The following PGAP4 variants were observed in gnomAD, a reference collection of about 807,000 sequenced individuals.
PGAP4 encodes the protein post-GPI attachment to proteins GalNAc transferase 4.
PGAP4 carries 12 observed loss-of-function variants against 28.2 expected under a neutral mutation model. That is an observed-to-expected ratio of 0.42 (90% CI 0.27 to 0.69). The LOEUF is 0.69. PGAP4 is among the 30% of genes least tolerant of loss of function. The pLI is 0.22. For missense variants in PGAP4, 425 were observed against 513.5 expected (o/e 0.83, Z 1.67); for synonymous variants, 205 against 211.8 (o/e 0.97, Z 0.28).
intron 2 of PGAP4, among the ~76,000 whole-genome samples, chr9:101,510,144 T>G (rs1826883310): frequency 1.3e-5 from 2 of 152,186 alleles, no homozygotes; most frequent in South Asian, 4.1e-4. Context: ...CCTCTGCTAT[T>G]TCATCAATTC....
chr9:101,521,666 GTTTCA>G (rs543976962), intron 2 of PGAP4, among the ~76,000 whole-genome samples: 2,328 of 151,982 alleles, frequency 0.015, 58 homozygotes, highest in Admixed American at 0.063. Context: ...CTAGCTTTTT[GTTTCA>G]TTTATCTTTT....
At chr9:101,481,290 T>C (rs1826482003) in intron 1 of PGAP4, 1 of 152,248 alleles carries the variant, frequency 6.6e-6, no homozygotes, top group Admixed American at 6.5e-5. Context: ...GGAGTTTTTT[T>C]ACTCCCAGCC....
upstream of PGAP4, among the ~76,000 whole-genome samples, chr9:101,490,007 C>G (rs540758472): frequency 5.9e-5 from 9 of 152,122 alleles, no homozygotes; most frequent in African/African-American, 2.2e-4. Flanking sequence ...CGAAACATAA[C>G]TGTTAGAATC....
chr9:101,521,705 A>G (rs948800682), intron 2 of PGAP4, among the ~76,000 whole-genome samples: 3 of 151,758 alleles, frequency 2.0e-5, no homozygotes, highest in Non-Finnish European at 4.4e-5. Flanking sequence ...GTTTGTTTCA[A>G]TTTCATTTAG....
At chr9:101,527,473 A>G (rs1827045617) in intron 2 of PGAP4, among the ~76,000 whole-genome samples, 2 of 152,186 alleles carry the variant, frequency 1.3e-5, no homozygotes, top group African/African-American at 4.8e-5. Flanking sequence ...ATTTATATCA[A>G]TTCTCCCTTA....
chr9:101,513,300 C>T (rs915426452), intron 2 of PGAP4, among the ~76,000 whole-genome samples: 1 of 152,154 alleles, frequency 6.6e-6, no homozygotes, highest in Non-Finnish European at 1.5e-5. Flanking sequence ...GCCCTCTAAC[C>T]ATCACCTAAT....
chr9:101,509,556 C>G (rs1336345859), intron 2 of PGAP4, among the ~76,000 whole-genome samples: 1 of 152,164 alleles, frequency 6.6e-6, no homozygotes, highest in Non-Finnish European at 1.5e-5. Context: ...AAAGCTATCT[C>G]ACTTCTGTAT....
chr9:101,511,454 T>C (rs541958402), intron 2 of PGAP4, among the ~76,000 whole-genome samples: 2 of 152,308 alleles, frequency 1.3e-5, no homozygotes, highest in East Asian at 3.9e-4. Context: ...TACTGTTGGC[T>C]ATGGACAACA....
At chr9:101,487,804 C>A (rs188509275), upstream of PGAP4, among the ~76,000 whole-genome samples, 2 of 152,196 alleles carry the variant, frequency 1.3e-5, no homozygotes, top group Admixed American at 6.5e-5. Flanking sequence ...TTCAGGGCTA[C>A]GAAAATTATA....
exon 1 of PGAP4, chr9:101,533,106 AT>A (rs1164812128): frequency 6.6e-6 from 1 of 152,118 alleles, no homozygotes; most frequent in African/African-American, 2.4e-5. Flanking sequence ...AAAAAAAAAA[AT>A]CAATGCTTAA....
In PGAP4 at chr9:101,476,391, C is replaced by T. The variant is rs1007876206; in HGVS notation, c.702G>A (p.Glu234=). Residue 234 remains glutamate, a synonymous_variant, in exon 2 of 2, where the codon GAG becomes GAA. Coordinates refer to ENST00000374848, the MANE Select transcript of PGAP4 (RefSeq NM_032342.3). This position sits in a 1 kb window ranked among gnomAD's most constrained non-coding sequence, Gnocchi z 7.0. ...LEHLLRARFS[E]PHLRDALYLK... Reference sequence around the variant, plus strand: ...GATAAAGGGCATCTCTGAGATGTGGCTCAGAGAAGCGAGCCCGCAGAAGGT... The same window carrying T: ...GATAAAGGGCATCTCTGAGATGTGGTTCAGAGAAGCGAGCCCGCAGAAGGT... The T allele has an allele frequency of 6.2e-7, 1 of 1,614,064 alleles. No homozygotes were observed. The highest frequency in any genetic ancestry group is 1.7e-5 in the Admixed American group (1 of 60,020).
chr9:101,497,356 A>G (rs1213510239), intron 2 of PGAP4, among the ~76,000 whole-genome samples: 1 of 151,696 alleles, frequency 6.6e-6, no homozygotes, highest in East Asian at 1.9e-4. Context: ...ACGTGTAAAC[A>G]TTAGGTATTC....
chr9:101,525,627 G>A (rs1193870063), intron 2 of PGAP4, among the ~76,000 whole-genome samples: 1 of 143,122 alleles, frequency 7.0e-6, no homozygotes, highest in Non-Finnish European at 1.5e-5. Context: ...AGAATCACTT[G>A]AACCCGAGAG....
chr9:101,497,219 A>T (rs893305583), intron 2 of PGAP4, among the ~76,000 whole-genome samples: 3 of 151,474 alleles, frequency 2.0e-5, no homozygotes, highest in African/African-American at 7.2e-5. Context: ...TTTATTTATA[A>T]GCATTTATTT....
At chr9:101,530,299 C>G (rs1409279302) in intron 2 of PGAP4, among the ~76,000 whole-genome samples, 1 of 152,136 alleles carries the variant, frequency 6.6e-6, no homozygotes, top group Non-Finnish European at 1.5e-5. Flanking sequence ...CTTATGCCAC[C>G]TTGTGGCAGA....
At chr9:101,531,151 C>A (rs1827085298) in intron 2 of PGAP4, 1 of 151,450 alleles carries the variant, frequency 6.6e-6, no homozygotes, top group Admixed American at 6.6e-5. Context: ...TCCTGTGAAC[C>A]AATTCCTTAT....
intron 2 of PGAP4, among the ~76,000 whole-genome samples, chr9:101,527,857 T>C (rs1588211864): frequency 6.6e-6 from 1 of 152,218 alleles, no homozygotes; most frequent in Non-Finnish European, 1.5e-5. Context: ...GCTGTGTGTA[T>C]ACAGCATGAC....
At chr9:101,524,040 T>C (rs926199620) in intron 2 of PGAP4, among the ~76,000 whole-genome samples, 21 of 151,902 alleles carry the variant, frequency 1.4e-4, no homozygotes, top group African/African-American at 4.8e-4. Flanking sequence ...TCTACCCAGC[T>C]CCGGGCTGGT....
At chr9:101,530,181 A>C (rs1039669125) in intron 2 of PGAP4, among the ~76,000 whole-genome samples, 13 of 152,264 alleles carry the variant, frequency 8.5e-5, no homozygotes, top group Non-Finnish European at 1.8e-4. Context: ...GCCTACCCTC[A>C]GTAGTTGTCC....
Sources: gnomAD v4.1 joint callset for allele counts (sites outside exome capture counted in the v4.1 genomes callset) on GRCh38, gnomAD v4.1.1 for gene constraint, Gnocchi (gnomAD v3.1) non-coding constraint, MANE v1.5 for transcripts, NCBI Gene and HGNC (gene_info 2026-07-23, HGNC 2026-07-21) for gene names.